The following FSTL5 variants were observed in gnomAD, a reference collection of about 807,000 sequenced individuals.
FSTL5 encodes the protein follistatin-related protein 5.
FSTL5 carries 62 observed loss-of-function variants against 89.1 expected under a neutral mutation model. That is an observed-to-expected ratio of 0.70 (90% confidence interval 0.57 to 0.86). The LOEUF is 0.86. Ranked by LOEUF, FSTL5 falls within the 40% of genes least tolerant of loss-of-function variation. FSTL5 has a pLI of 0.00. For synonymous variants in FSTL5, 383 were observed against 346.2 expected (o/e 1.11, Z -1.18); for missense variants, 1,057 against 1,001.6 (o/e 1.06, Z -0.75).
intron 1 of FSTL5, among the ~76,000 whole-genome samples, chr4:162,143,977 A>G (rs7679000): frequency 0.76 from 115,486 of 151,948 alleles, 44,256 homozygotes; most frequent in Non-Finnish European, 0.81. Context: ...ATTATTTACT[A>G]AAAAAGCTCA....
At chr4:161,841,202 A>ACAC in intron 4 of FSTL5, among the ~76,000 whole-genome samples, 1 of 152,312 alleles carries the variant, frequency 6.6e-6, no homozygotes, top group Middle Eastern at 3.4e-3. Context: ...CAAAGTGCAT[A>ACAC]CACCATTTAT....
At chr4:161,857,785 CTTTTTCTTCCTTGTCTCTTTTT>C in intron 4 of FSTL5, among the ~76,000 whole-genome samples, 1 of 152,118 alleles carries the variant, frequency 6.6e-6, no homozygotes, top group South Asian at 2.1e-4. Context: ...AGCTAATTCT[CTTTTTCTTCCTTGTCTCTTTTT>C]TTCCCCAGTC....
At chr4:161,405,633 A>G (rs1436371594) in intron 15 of FSTL5, among the ~76,000 whole-genome samples, 1 of 152,226 alleles carries the variant, frequency 6.6e-6, no homozygotes, top group Non-Finnish European at 1.5e-5. Context: ...ATGTATTTGA[A>G]GAAATAATGG....
At chr4:161,946,093 A>G (rs1382495766) in intron 3 of FSTL5, among the ~76,000 whole-genome samples, 1 of 152,150 alleles carries the variant, frequency 6.6e-6, no homozygotes, top group East Asian at 1.9e-4. Context: ...TTATTGACTC[A>G]CCACATATTT....
At chr4:161,681,733 AAATTT>A (rs1737530690) in intron 6 of FSTL5, among the ~76,000 whole-genome samples, 1 of 152,182 alleles carries the variant, frequency 6.6e-6, no homozygotes, top group Admixed American at 6.6e-5. Flanking sequence ...TATCTCACCT[AAATTT>A]AATTTAATAA....
intron 4 of FSTL5, among the ~76,000 whole-genome samples, chr4:161,887,468 CTGTT>C (rs1445728994): frequency 2.9e-4 from 44 of 151,620 alleles, no homozygotes; most frequent in African/African-American, 1.0e-3. Context: ...GTCTATCTGT[CTGTT>C]TTTCTATCTA....
rs114234160 is a variant in FSTL5 at position 161,841,079 on chromosome 4, A to T, written c.410-65005T>A. Among the ~76,000 whole-genome samples, 1,166 of 152,258 alleles carry T rather than the reference A, an allele frequency of 7.7e-3. 20 individuals are homozygous for T. The highest frequency in any genetic ancestry group is 0.025 in the African/African-American group (1,050 of 41,564). ...CTCTGTTTCTCAGTGTTCTTATAAC[A>T]GCTGCTTTCTTTAGCTTTTTCAGGC... On this transcript the variant is annotated intron_variant, in intron 4 of 15. Coordinates refer to ENST00000306100, the MANE Select transcript of FSTL5 (RefSeq NM_020116.5).
intron 6 of FSTL5, among the ~76,000 whole-genome samples, chr4:161,676,062 A>G (rs1737289784): frequency 6.6e-6 from 1 of 152,136 alleles, no homozygotes. Flanking sequence ...TAGCTACAGA[A>G]TGTTAGTTTC....
chr4:161,745,235 T>G (rs992101754), intron 6 of FSTL5, among the ~76,000 whole-genome samples: 2 of 152,036 alleles, frequency 1.3e-5, no homozygotes, highest in Non-Finnish European at 2.9e-5. Context: ...GAGTTCAGTT[T>G]GAAATCAATA....
At chr4:161,653,906 ATAGAT>A (rs1414374708) in intron 7 of FSTL5, among the ~76,000 whole-genome samples, 1 of 152,160 alleles carries the variant, frequency 6.6e-6, no homozygotes, top group Admixed American at 6.5e-5. Context: ...TATGTACACT[ATAGAT>A]TAGGAATGTT....
At chr4:162,009,600 G>C (rs962294117) in intron 3 of FSTL5, among the ~76,000 whole-genome samples, 1 of 151,926 alleles carries the variant, frequency 6.6e-6, no homozygotes, top group Non-Finnish European at 1.5e-5. Context: ...GACAATATAA[G>C]AGAAAATAAT....
intron 7 of FSTL5, among the ~76,000 whole-genome samples, chr4:161,655,544 C>T (rs1736486185): frequency 6.6e-6 from 1 of 151,980 alleles, no homozygotes; most frequent in Admixed American, 6.6e-5. Context: ...TGGTAAGTAA[C>T]CATGTGAAGT....
In FSTL5 at chr4:161,590,408, A is replaced by C. The variant is rs180852799; in HGVS notation, c.895-2833T>G. Among the ~76,000 whole-genome samples the C allele has an allele frequency of 5.3e-5, 8 of 152,044 alleles. No individual in the cohort carries two copies. The East Asian group carries it at 1.6e-3, about 29-fold the overall frequency. ...ACAAAAATTAGCTGGGCATGGTGGC[A>C]CATGCCTGTAATCCCAGCTACTCAG... is the stretch of plus-strand genomic sequence containing the variant. On this transcript the variant is annotated intron_variant, in intron 7 of 15. Transcript: ENST00000306100.
chr4:161,929,244 C>CTTT (rs58570212), intron 3 of FSTL5, among the ~76,000 whole-genome samples: 1,499 of 145,150 alleles, frequency 0.01, 11 homozygotes, highest in Middle Eastern at 0.018. Flanking sequence ...ATTAGCTTTG[C>CTTT]TTTTTTTTTT....
At chr4:161,744,482 G>A (rs1740126100) in intron 6 of FSTL5, among the ~76,000 whole-genome samples, 1 of 152,080 alleles carries the variant, frequency 6.6e-6, no homozygotes, top group South Asian at 2.1e-4. Flanking sequence ...TTACGAAGGT[G>A]TGGTAAATGA....
chr4:161,515,794 C>T (rs1057081056), intron 10 of FSTL5, among the ~76,000 whole-genome samples: 2 of 151,332 alleles, frequency 1.3e-5, no homozygotes, highest in Non-Finnish European at 2.9e-5. Flanking sequence ...CTTTATCAGT[C>T]ATACAGGTGT....
chr4:161,612,318 A>T (rs1181561483), intron 7 of FSTL5, among the ~76,000 whole-genome samples: 1 of 152,222 alleles, frequency 6.6e-6, no homozygotes, highest in Non-Finnish European at 1.5e-5. Flanking sequence ...GTTTAATAGC[A>T]AAGTAATAAA....
chr4:161,877,507 A>T (rs1246333711), intron 4 of FSTL5, among the ~76,000 whole-genome samples: 2 of 151,544 alleles, frequency 1.3e-5, no homozygotes, highest in African/African-American at 2.4e-5. Context: ...TCACAATTTT[A>T]AAAAAACTTC....
At chr4:161,734,843 T>C (rs919099247) in intron 6 of FSTL5, among the ~76,000 whole-genome samples, 3 of 152,024 alleles carry the variant, frequency 2.0e-5, no homozygotes, top group Admixed American at 2.0e-4. Flanking sequence ...TCAATTCATT[T>C]CCGACAATTC....
Sources: gnomAD v4.1 joint callset for allele counts (sites outside exome capture counted in the v4.1 genomes callset) on GRCh38, gnomAD v4.1.1 for gene constraint, MANE v1.5 for transcripts, NCBI Gene and HGNC (gene_info 2026-07-23, HGNC 2026-07-21) for gene names.